The following LRMDA variants were observed in gnomAD, a reference collection of about 807,000 sequenced individuals.
LRMDA encodes the protein leucine-rich melanocyte differentiation-associated protein.
In LRMDA, 18 loss-of-function variants were observed where a neutral mutation model predicts 29.8. The observed-to-expected ratio is 0.60, with a 90% confidence interval of 0.42 to 0.90. LRMDA has a LOEUF of 0.90. LRMDA is among the 40% of genes least tolerant of loss of function. LRMDA has a pLI of 0.00. For missense variants in LRMDA, 273 were observed against 273.9 expected (o/e 1.00, Z 0.02); for synonymous variants, 125 against 109.4 (o/e 1.14, Z -0.89).
chr10:76,202,210 C>T, intron 5 of LRMDA, among the ~76,000 whole-genome samples: 1 of 152,176 alleles, frequency 6.6e-6, no homozygotes. Context: ...TCACCAGGGA[C>T]ACAGATACAG....
chr10:75,952,963 C>T (rs1373466636), intron 2 of LRMDA, among the ~76,000 whole-genome samples: 1 of 151,784 alleles, frequency 6.6e-6, no homozygotes, highest in Non-Finnish European at 1.5e-5. Context: ...CCATGTTGGC[C>T]AGGCTGGTCT....
chr10:76,217,028 A>ATG (rs1851740836), intron 5 of LRMDA, among the ~76,000 whole-genome samples: 1 of 152,182 alleles, frequency 6.6e-6, no homozygotes, highest in Non-Finnish European at 1.5e-5. Context: ...AAGATAATAG[A>ATG]CATATCCATA....
At chr10:76,108,418 G>C (rs183481948) in intron 5 of LRMDA, among the ~76,000 whole-genome samples, 1 of 152,232 alleles carries the variant, frequency 6.6e-6, no homozygotes. Flanking sequence ...CAATTAGAAA[G>C]CCAGAAAGCT....
chr10:75,696,603 G>A (rs541969011), intron 2 of LRMDA, among the ~76,000 whole-genome samples: 2 of 152,256 alleles, frequency 1.3e-5, no homozygotes, highest in Non-Finnish European at 1.5e-5. Context: ...TATAATAATT[G>A]AGTATAATAA....
At chr10:75,562,021 G>T (rs1338623378) in intron 2 of LRMDA, among the ~76,000 whole-genome samples, 14 of 152,054 alleles carry the variant, frequency 9.2e-5, no homozygotes, top group Non-Finnish European at 2.9e-5. Context: ...ATTTGGGGTG[G>T]AGAGTTCTGT....
intron 2 of LRMDA, among the ~76,000 whole-genome samples, chr10:75,829,840 A>G (rs968106937): frequency 2.6e-5 from 3 of 114,170 alleles, no homozygotes; most frequent in Non-Finnish European, 5.4e-5. Context: ...TGAATAGGCC[A>G]CTTTTTTTTT....
intron 5 of LRMDA, among the ~76,000 whole-genome samples, chr10:76,081,858 A>G (rs540240660): frequency 1.3e-5 from 2 of 152,344 alleles, no homozygotes; most frequent in African/African-American, 4.8e-5. Context: ...TATGTAATAC[A>G]TATATTAAAC....
At chr10:75,697,850 T>TGTGTGTGTGTGTGTGTGTGTGTGCGC (rs10664076) in intron 2 of LRMDA, among the ~76,000 whole-genome samples, 2 of 151,586 alleles carry the variant, frequency 1.3e-5, no homozygotes, top group African/African-American at 4.9e-5. Context: ...TGTGTGTGTG[T>TGTGTGTGTGTGTGTGTGTGTGTGCGC]GCGTGTGTGT....
At chr10:76,045,103 T>G (rs971576731) in intron 3 of LRMDA, among the ~76,000 whole-genome samples, 5 of 151,276 alleles carry the variant, frequency 3.3e-5, no homozygotes, top group Admixed American at 3.3e-4. Context: ...TTACCTATTC[T>G]TGCTAGTTTT....
At chr10:76,256,611 A>T (rs748226108) in intron 5 of LRMDA, among the ~76,000 whole-genome samples, 1 of 152,226 alleles carries the variant, frequency 6.6e-6, no homozygotes, top group Non-Finnish European at 1.5e-5. Context: ...CTGGCAATTC[A>T]GGCAATTAAA....
intron 2 of LRMDA, among the ~76,000 whole-genome samples, chr10:75,841,936 G>A (rs987011902): frequency 6.6e-6 from 1 of 152,130 alleles, no homozygotes; most frequent in Non-Finnish European, 1.5e-5. Flanking sequence ...CTCTGTCTCT[G>A]TTTCTTCATT....
intron 6 of LRMDA, among the ~76,000 whole-genome samples, chr10:76,495,418 T>C (rs1218884806): frequency 6.6e-6 from 1 of 151,900 alleles, no homozygotes; most frequent in Non-Finnish European, 1.5e-5. Flanking sequence ...ATTAGACATA[T>C]ATAATAAACC....
intron 5 of LRMDA, among the ~76,000 whole-genome samples, chr10:76,131,806 T>C (rs550768336): frequency 6.6e-6 from 1 of 152,340 alleles, no homozygotes; most frequent in East Asian, 1.9e-4. Context: ...TGACACTTTA[T>C]ATCATAGTAG....
chr10:76,011,144 A>G (rs961285152), intron 2 of LRMDA, among the ~76,000 whole-genome samples: 2 of 151,986 alleles, frequency 1.3e-5, no homozygotes, highest in African/African-American at 4.8e-5. Flanking sequence ...TGGGGTAGAG[A>G]GTGGATATAT....
rs186178498 is a variant in LRMDA, at chr10:76,014,464, A to G, written c.132-21544A>G. 1.5e-3 allele frequency among the ~76,000 whole-genome samples: 233 copies of G among 152,114 alleles called. 1 individual carries two copies. The highest frequency in any genetic ancestry group is 5.3e-3 in the African/African-American group (218 of 41,484). ...GACTTGCTCTCACATCCTCACTTCA[A>G]GATCTGTTTCTAGGAACTCCAGCTT... On this transcript the variant is annotated intron_variant, in intron 2 of 6. Transcript: ENST00000611255.
chr10:75,816,149 G>A (rs562092806), intron 2 of LRMDA, among the ~76,000 whole-genome samples: 3 of 152,128 alleles, frequency 2.0e-5, no homozygotes, highest in Non-Finnish European at 4.4e-5. Context: ...TTCCATTATG[G>A]TTTCTTACTT....
At chr10:76,523,403 C>T (rs370321944) in intron 6 of LRMDA, among the ~76,000 whole-genome samples, 1 of 152,106 alleles carries the variant, frequency 6.6e-6, no homozygotes, top group Non-Finnish European at 1.5e-5. Flanking sequence ...TTACCTCTTC[C>T]CTCAGGAAAC....
At chr10:76,425,809 G>A (rs1164086526) in intron 6 of LRMDA, among the ~76,000 whole-genome samples, 4 of 149,400 alleles carry the variant, frequency 2.7e-5, no homozygotes, top group East Asian at 3.9e-4. Flanking sequence ...GTGTCCAAGT[G>A]TTCTCATTGT....
At chr10:76,255,361 G>T (rs1852574343) in intron 5 of LRMDA, among the ~76,000 whole-genome samples, 1 of 152,142 alleles carries the variant, frequency 6.6e-6, no homozygotes, top group Non-Finnish European at 1.5e-5. Flanking sequence ...CTTGATGATT[G>T]TGTGTTGCAT....
Sources: gnomAD v4.1 joint callset for allele counts (sites outside exome capture counted in the v4.1 genomes callset) on GRCh38, gnomAD v4.1.1 for gene constraint, MANE v1.5 for transcripts, NCBI Gene and HGNC (gene_info 2026-07-23, HGNC 2026-07-21) for gene names.